Variants in ZMYM2 observed in about 807,000 individuals in gnomAD.
The protein encoded by ZMYM2 is zinc finger MYM-type containing 2.
A neutral mutation model predicts 162.8 loss-of-function variants in ZMYM2; 56 were observed. The ratio of observed to expected loss-of-function variants is 0.34; its 90% confidence interval spans 0.28 to 0.43. ZMYM2 has a LOEUF of 0.43. ZMYM2 is among the 20% of genes least tolerant of loss of function. The probability of loss-of-function intolerance (pLI) is 1.00; values close to 1 mark genes in which losing one functional copy is unlikely to be tolerated. For synonymous variants in ZMYM2, 510 were observed against 541.6 expected (o/e 0.94, Z 0.81); for missense variants, 1,275 against 1,621.8 (o/e 0.79, Z 3.67).
upstream of ZMYM2, among the ~76,000 whole-genome samples, chr13:19,954,147 T>TTTTTTTTTTTTTTTTTTTTG (rs1954472661): frequency 7.3e-6 from 1 of 137,762 alleles, no homozygotes; most frequent in Non-Finnish European, 1.6e-5. Context: ...TTTTTTTTTT[T>TTTTTTTTTTTTTTTTTTTTG]AGACGGAGTC....
intron 2 of ZMYM2, among the ~76,000 whole-genome samples, chr13:19,988,399 C>T (rs66789311): frequency 0.14 from 21,902 of 151,992 alleles, 2,948 homozygotes; most frequent in African/African-American, 0.36. Flanking sequence ...ACATAATTGG[C>T]TTTGGTTTCT....
At chr13:19,899,741 C>T in the ZMYM2 span, among the ~76,000 whole-genome samples, 6 of 139,722 alleles carry the variant, frequency 4.3e-5, no homozygotes, top group Non-Finnish European at 6.1e-5. Context: ...CACTTGAACC[C>T]GGGAGGGAGA....
chr13:19,988,130 T>A (rs1949324313), intron 2 of ZMYM2, among the ~76,000 whole-genome samples: 1 of 152,206 alleles, frequency 6.6e-6, no homozygotes, highest in Non-Finnish European at 1.5e-5. Flanking sequence ...AGAAAAAAAT[T>A]CTGTTTTCTT....
intron 12 of ZMYM2, among the ~76,000 whole-genome samples, chr13:20,043,559 G>A (rs975227131): frequency 1.3e-5 from 2 of 152,022 alleles, no homozygotes; most frequent in Admixed American, 6.5e-5. Context: ...CATTCTCAGA[G>A]GGCTCTTGGT....
chr13:19,924,482 C>T, the ZMYM2 span, among the ~76,000 whole-genome samples: 241 of 151,464 alleles, frequency 1.6e-3, 2 homozygotes, highest in African/African-American at 3.7e-3. Flanking sequence ...GTGAAAGGAT[C>T]GCTTGAGTGC....
At chr13:19,913,203 A>G in the ZMYM2 span, among the ~76,000 whole-genome samples, 22,480 of 152,126 alleles carry the variant, frequency 0.15, 1,917 homozygotes, top group Admixed American at 0.2. Context: ...AAGCTCTGCC[A>G]TGCTCAGCAG....
At chr13:19,924,153 T>C in the ZMYM2 span, among the ~76,000 whole-genome samples, 1 of 152,222 alleles carries the variant, frequency 6.6e-6, no homozygotes, top group African/African-American at 2.4e-5. Context: ...ACTGAAATTC[T>C]ATGTTCATTG....
At chr13:19,892,881 A>ATT in the ZMYM2 span, among the ~76,000 whole-genome samples, 7 of 150,576 alleles carry the variant, frequency 4.6e-5, no homozygotes, top group African/African-American at 1.5e-4. Flanking sequence ...CGCCCAGCTA[A>ATT]TTTTTGTATT....
At chr13:19,985,177 G>A (rs1283170339) in intron 2 of ZMYM2, among the ~76,000 whole-genome samples, 1 of 152,176 alleles carries the variant, frequency 6.6e-6, no homozygotes, top group African/African-American at 2.4e-5. Flanking sequence ...AGGCTGGAGT[G>A]TAGTGGCATG....
Position 20,002,882 on chromosome 13 carries a change from C to T in ZMYM2, c.880C>T (p.Arg294Cys). 2 of 1,614,062 alleles carry T rather than the reference C, an allele frequency of 1.2e-6. No individual in the cohort carries two copies. The highest frequency in any genetic ancestry group is 1.7e-6 in the Non-Finnish European group (2 of 1,179,964). Residue 294 changes from arginine (R) to cysteine (C), a missense_variant, in exon 4 of 25, where the codon CGT (arginine) becomes TGT (cysteine). Physicochemically the swap from Arg to Cys is radical, Grantham distance 180. This residue lies in a region of ZMYM2 where 115 missense variants were observed against 175.3 expected (regional missense o/e 0.66). Transcript: ENST00000610343. ...GATCTCCCAGTCAGCTTCATTTCCCCGTAATCAGAAACAACCAGGGGTGGA... is the reference window on the plus strand; with the variant it reads ...GATCTCCCAGTCAGCTTCATTTCCCTGTAATCAGAAACAACCAGGGGTGGA... ...SWISQSASFPRNQKQPGVDSL... is the reference protein window; with the variant it reads ...SWISQSASFPCNQKQPGVDSL...
Position 20,087,025 on chromosome 13 carries a change from G to T in ZMYM2, c.*1011G>T, listed in dbSNP as rs775441727. The T allele has an allele frequency of 1.1e-5, 2 of 182,810 alleles. No homozygotes were observed. 11.3% of individuals were successfully genotyped at this position (182,810 alleles called of 1,614,324 possible). A position where few individuals can be genotyped will look rare whatever the true frequency, so the allele number is the denominator to read the frequency against. On this transcript the variant is annotated 3_prime_UTR_variant, in exon 25 of 25. Transcript: ENST00000610343. ...ACTTAGCAATTTTATCAGAATTCTT[G>T]TGCCTGTTTACATTGGATAAAATTG...
At chr13:19,907,761 CAA>C in the ZMYM2 span, among the ~76,000 whole-genome samples, 3 of 39,114 alleles carry the variant, frequency 7.7e-5, no homozygotes, top group South Asian at 1.7e-3. Flanking sequence ...GACTCTGTCT[CAA>C]AAAAAAAAAA....
chr13:20,028,795 C>T (rs1952809559), intron 9 of ZMYM2, among the ~76,000 whole-genome samples: 1 of 151,550 alleles, frequency 6.6e-6, no homozygotes, highest in South Asian at 2.1e-4. Context: ...CATGTCCATA[C>T]ACATGCAATC....
At chr13:19,893,566 C>T in the ZMYM2 span, among the ~76,000 whole-genome samples, 1 of 151,766 alleles carries the variant, frequency 6.6e-6, no homozygotes, top group Non-Finnish European at 1.5e-5. Flanking sequence ...AGTGAAGCCC[C>T]ATCTCTGCTA....
In ZMYM2 at chr13:20,019,825, A is replaced by C. The variant is rs921575460; in HGVS notation, c.1584+207A>C. On this transcript the variant is annotated intron_variant, in intron 7 of 24. Transcript: ENST00000610343. ...ACATGTATTTTCTTGTGATATGCTC[A>C]TTTGTCTTTAGTTATTTATGTTCTT... 6 of 535,762 alleles carry C rather than the reference A, an allele frequency of 1.1e-5. No individual in the cohort carries two copies. In the African/African-American group the frequency reaches 1.1e-4, roughly 10 times the overall value. 33.2% of individuals were successfully genotyped at this position (535,762 alleles called of 1,614,324 possible). A position where few individuals can be genotyped will look rare whatever the true frequency, so the allele number is the denominator to read the frequency against.
chr13:19,944,391 A>G, the ZMYM2 span, among the ~76,000 whole-genome samples: 3 of 152,232 alleles, frequency 2.0e-5, no homozygotes, highest in Non-Finnish European at 4.4e-5. Context: ...TAAATAAATT[A>G]TAGTTCAATT....
At chr13:20,001,834 T>C (rs1210010948) in intron 3 of ZMYM2, among the ~76,000 whole-genome samples, 3 of 152,204 alleles carry the variant, frequency 2.0e-5, no homozygotes, top group East Asian at 3.8e-4. Context: ...GCTCACATGA[T>C]TAGTGTTTTT....
At position 19,991,432 on chromosome 13, in the gene ZMYM2, C is replaced by A. The variant is rs565825372; in HGVS notation, c.-10-1631C>A. Among the ~76,000 whole-genome samples, 5 of 151,948 alleles carry A rather than the reference C, an allele frequency of 3.3e-5. No homozygotes were observed. The South Asian group carries it at 1.0e-3, about 32-fold the overall frequency. On this transcript the variant is annotated intron_variant, in intron 2 of 24. Coordinates refer to ENST00000610343, the MANE Select transcript of ZMYM2 (RefSeq NM_197968.4). Reference sequence around the variant, plus strand: ...ATTGTGTCTGGCCTGAGGTTATCTTCTTAACTCTGCTATTTTCTTTGACTT... The same window carrying A: ...ATTGTGTCTGGCCTGAGGTTATCTTATTAACTCTGCTATTTTCTTTGACTT...
intron 2 of ZMYM2, among the ~76,000 whole-genome samples, chr13:19,984,499 C>T (rs1948980631): frequency 6.6e-6 from 1 of 152,256 alleles, no homozygotes; most frequent in Non-Finnish European, 1.5e-5. Context: ...AGAAGAAAAG[C>T]CATGTGAACT....
Sources: allele counts gnomAD v4.1 joint callset (sites outside exome capture counted in the v4.1 genomes callset), GRCh38; gene constraint gnomAD v4.1.1; regional missense constraint gnomAD v4.1.1; transcripts MANE v1.5; gene names NCBI Gene and HGNC (gene_info 2026-07-23, HGNC 2026-07-21).